MGAT4C: variants seen among roughly 807,000 people sequenced by gnomAD.
MGAT4C encodes MGAT4 family member C.
MGAT4C carries 19 observed loss-of-function variants against 40.1 expected under a neutral mutation model. That is an observed-to-expected ratio of 0.47 (90% CI 0.33 to 0.70). MGAT4C has a LOEUF of 0.70. Among genes scored for constraint, MGAT4C ranks in the 30% least tolerant of loss-of-function variants. MGAT4C has a pLI of 0.02. For synonymous variants in MGAT4C, 181 were observed against 187.1 expected (o/e 0.97, Z 0.27); for missense variants, 491 against 563.2 (o/e 0.87, Z 1.30).
intron 2 of MGAT4C, among the ~76,000 whole-genome samples, chr12:86,690,504 C>G (rs1950154313): frequency 6.6e-6 from 1 of 152,170 alleles, no homozygotes; most frequent in Non-Finnish European, 1.5e-5. Flanking sequence ...AGCATAGTGT[C>G]TGGGCCAGAT....
intron 2 of MGAT4C, among the ~76,000 whole-genome samples, chr12:86,624,079 A>AT (rs1200844038): frequency 6.6e-6 from 1 of 152,172 alleles, no homozygotes. Flanking sequence ...ACCACCAGAC[A>AT]TATGTTGGTG....
intron 1 of MGAT4C, among the ~76,000 whole-genome samples, chr12:86,137,433 T>A (rs930557638): frequency 6.6e-6 from 1 of 152,208 alleles, no homozygotes; most frequent in Non-Finnish European, 1.5e-5. Context: ...TAATTGTATA[T>A]ATGACTTTGT....
At chr12:86,831,699 T>C (rs1293302261) in intron 1 of MGAT4C, among the ~76,000 whole-genome samples, 1 of 151,866 alleles carries the variant, frequency 6.6e-6, no homozygotes, top group African/African-American at 2.4e-5. Context: ...TCCAGGAGTC[T>C]ACTAAAGACT....
intron 2 of MGAT4C, among the ~76,000 whole-genome samples, chr12:86,527,821 C>G (rs1958911403): frequency 6.6e-6 from 1 of 152,018 alleles, no homozygotes; most frequent in Non-Finnish European, 1.5e-5. Context: ...TTTATAAACG[C>G]TACTGATATA....
intron 1 of MGAT4C, among the ~76,000 whole-genome samples, chr12:86,171,752 C>T (rs1312089280): frequency 1.3e-5 from 2 of 152,136 alleles, no homozygotes; most frequent in Non-Finnish European, 2.9e-5. Flanking sequence ...TGAATTCCAG[C>T]AACCTTTGTG....
chr12:86,101,769 C>T (rs1306895706), intron 1 of MGAT4C, among the ~76,000 whole-genome samples: 1 of 151,802 alleles, frequency 6.6e-6, no homozygotes, highest in Non-Finnish European at 1.5e-5. Context: ...AAAATTAATG[C>T]ACCCCTGCTA....
At chr12:86,455,661 TAA>T (rs1459537352) in intron 2 of MGAT4C, among the ~76,000 whole-genome samples, 2 of 152,178 alleles carry the variant, frequency 1.3e-5, no homozygotes, top group East Asian at 1.9e-4. Context: ...TGTGTTCAAA[TAA>T]AGTTACAGAA....
At chr12:86,729,372 A>C (rs533271798) in intron 1 of MGAT4C, among the ~76,000 whole-genome samples, 7 of 152,106 alleles carry the variant, frequency 4.6e-5, no homozygotes, top group African/African-American at 1.4e-4. Context: ...TAAAAAAATA[A>C]AAATTTTTAA....
chr12:86,330,001 T>G (rs1954623634), intron 4 of MGAT4C, among the ~76,000 whole-genome samples: 1 of 152,198 alleles, frequency 6.6e-6, no homozygotes, highest in African/African-American at 2.4e-5. Flanking sequence ...TTCTAGACAA[T>G]ACTAGTTATG....
At chr12:86,062,430 CA>C (rs1894085195) in intron 1 of MGAT4C, among the ~76,000 whole-genome samples, 1 of 151,984 alleles carries the variant, frequency 6.6e-6, no homozygotes, top group South Asian at 2.1e-4. Flanking sequence ...GAAACCAGTG[CA>C]AAAAGGCTGA....
At chr12:86,071,964 C>T (rs955664934) in intron 1 of MGAT4C, among the ~76,000 whole-genome samples, 14 of 152,004 alleles carry the variant, frequency 9.2e-5, no homozygotes, top group African/African-American at 3.4e-4. Context: ...ATCTCTTGCT[C>T]TCATTAGCTT....
intron 1 of MGAT4C, among the ~76,000 whole-genome samples, chr12:86,140,520 T>C (rs1183698278): frequency 6.6e-6 from 1 of 150,786 alleles, no homozygotes; most frequent in Non-Finnish European, 1.5e-5. Flanking sequence ...GGGTGGGAGG[T>C]TAGAGGAGGG....
intron 1 of MGAT4C, among the ~76,000 whole-genome samples, chr12:86,182,679 C>T (rs1888258648): frequency 6.6e-6 from 1 of 152,052 alleles, no homozygotes; most frequent in Admixed American, 6.6e-5. Context: ...TTCTGCATGA[C>T]CACTCTGTTG....
At chr12:86,286,136 C>G (rs532951660) in intron 4 of MGAT4C, among the ~76,000 whole-genome samples, 8 of 152,028 alleles carry the variant, frequency 5.3e-5, no homozygotes, top group African/African-American at 1.9e-4. Context: ...GTATCCTTTT[C>G]TTGTCCTTTA....
chr12:86,192,746 G>C (rs536682308), intron 1 of MGAT4C, among the ~76,000 whole-genome samples: 1 of 152,086 alleles, frequency 6.6e-6, no homozygotes, highest in East Asian at 1.9e-4. Flanking sequence ...ATGGTTTTTT[G>C]TCGTTTTTCT....
intron 1 of MGAT4C, among the ~76,000 whole-genome samples, chr12:86,181,911 T>C (rs1888170547): frequency 6.6e-6 from 1 of 152,120 alleles, no homozygotes; most frequent in Non-Finnish European, 1.5e-5. Flanking sequence ...AATATTATTT[T>C]ATATCAGTTA....
intron 3 of MGAT4C, among the ~76,000 whole-genome samples, chr12:86,344,286 C>A (rs996134588): frequency 6.6e-6 from 1 of 152,110 alleles, no homozygotes; most frequent in African/African-American, 2.4e-5. Flanking sequence ...GAAATGAAAT[C>A]ATTTTTATAT....
At chr12:86,336,278 C>T (rs1048290114) in intron 3 of MGAT4C, among the ~76,000 whole-genome samples, 1 of 152,102 alleles carries the variant, frequency 6.6e-6, no homozygotes, top group Non-Finnish European at 1.5e-5. Context: ...ACCTAATTTG[C>T]GAACAATCCT....
chr12:86,280,734 C>A (rs1375315262), intron 4 of MGAT4C, among the ~76,000 whole-genome samples: 1 of 150,592 alleles, frequency 6.6e-6, no homozygotes, highest in Non-Finnish European at 1.5e-5. Context: ...TTTATCATTG[C>A]GAGATGATTT....
Sources: gnomAD v4.1 joint callset for allele counts (sites outside exome capture counted in the v4.1 genomes callset) on GRCh38, gnomAD v4.1.1 for gene constraint, MANE v1.5 for transcripts, NCBI Gene and HGNC (gene_info 2026-07-23, HGNC 2026-07-21) for gene names.